The following FANCC variants were observed in gnomAD, a reference collection of about 807,000 sequenced individuals.
FANCC encodes the protein Fanconi anemia group C protein.
Under a neutral mutation model 71.3 loss-of-function variants are expected in FANCC, and 55 were observed. That is an observed-to-expected ratio of 0.77 (90% confidence interval 0.62 to 0.97). The LOEUF (loss-of-function observed/expected upper bound fraction) is 0.97. Among genes scored for constraint, FANCC ranks in the 50% least tolerant of loss-of-function variants. FANCC has a pLI of 0.00. For missense variants in FANCC, 678 were observed against 670.9 expected (o/e 1.01, Z -0.12); for synonymous variants, 275 against 244.9 (o/e 1.12, Z -1.15).
At chr9:95,134,699 C>T (rs1397900129) in intron 8 of FANCC, among the ~76,000 whole-genome samples, 1 of 152,230 alleles carries the variant, frequency 6.6e-6, no homozygotes, top group Non-Finnish European at 1.5e-5. Context: ...CTGCCTCCCA[C>T]AAAGGAATAT....
chr9:95,310,561 CAAGT>C (rs971549413), intron 1 of FANCC, among the ~76,000 whole-genome samples: 4 of 152,148 alleles, frequency 2.6e-5, no homozygotes, highest in Admixed American at 2.6e-4. Context: ...TCCAGCATCC[CAAGT>C]AAGAGACAGA....
chr9:95,189,635 G>T (rs1229080514), intron 4 of FANCC, among the ~76,000 whole-genome samples: 1 of 152,158 alleles, frequency 6.6e-6, no homozygotes, highest in Non-Finnish European at 1.5e-5. Context: ...AATGTATACA[G>T]AAATATGTAG....
At chr9:95,120,280 T>C (rs192766121) in intron 10 of FANCC, among the ~76,000 whole-genome samples, 161 of 152,330 alleles carry the variant, frequency 1.1e-3, no homozygotes, top group Middle Eastern at 3.4e-3. Context: ...CCTTTCCCCA[T>C]TGAATTGTCT....
rs1279952216 is a variant in FANCC, at chr9:95,099,056, A to G, written c.*2651T>C. On this transcript the variant is annotated 3_prime_UTR_variant, in exon 15 of 15. Coordinates refer to ENST00000289081, the MANE Select transcript of FANCC (RefSeq NM_000136.3). ...TGTAATATTTAATGGATACAACATT[A>G]GGTGCAAACTGAAGTTTTATTTAGA... 3.2e-5 allele frequency: 6 copies of G among 184,926 alleles called. No homozygotes were observed. The Admixed American group carries it at 3.7e-4, about 12-fold the overall frequency. The allele number at this position is 184,926 out of a possible 1,614,324, so 11.5% of individuals were successfully genotyped here. A position where few individuals can be genotyped will look rare whatever the true frequency, so the allele number is the denominator to read the frequency against.
At position 95,101,797 on chromosome 9, in the gene FANCC, G is replaced by C. The variant is rs1015147630; in HGVS notation, c.1587C>G (p.Thr529=). ...THEIIGFLDQ[T]LYRWNRLGIE... ...TGCCAAGACGATTCCATCTGTACAA[G>C]GTCTGGTCAAGAAAGCCAATGATCT... Residue 529 remains threonine, a synonymous_variant, in exon 15 of 15, where the codon ACC becomes ACG. Coordinates refer to ENST00000289081, the MANE Select transcript of FANCC (RefSeq NM_000136.3). 1.2e-6 allele frequency: 2 copies of C among 1,614,130 alleles called. No homozygotes were observed. Among genetic ancestry groups the C allele is most frequent in the Admixed American group, 3.3e-5 (2 of 60,022 alleles).
chr9:95,262,089 T>C (rs185623098), intron 1 of FANCC, among the ~76,000 whole-genome samples: 2 of 152,106 alleles, frequency 1.3e-5, no homozygotes, highest in African/African-American at 4.8e-5. Flanking sequence ...ATAGCCATGA[T>C]ACAAAGATAC....
rs1261532738 is a variant in FANCC, at chr9:95,289,659, TTGAC to T, written c.-79+27863_-79+27866del. Among the ~76,000 whole-genome samples the T allele has an allele frequency of 5.3e-5, 8 of 152,286 alleles. No individual in the cohort carries two copies. In the South Asian group the frequency reaches 1.2e-3, roughly 24 times the overall value. On this transcript the variant is annotated intron_variant, in intron 1 of 14. Coordinates refer to ENST00000289081, the MANE Select transcript of FANCC (RefSeq NM_000136.3). ...TTAACCATAACTGTATGATATTTTA[TTGAC>T]TGACTGAGACAGGGTCTTGCTCTGT...
At chr9:95,283,431 A>G (rs1833487529) in intron 1 of FANCC, among the ~76,000 whole-genome samples, 1 of 152,232 alleles carries the variant, frequency 6.6e-6, no homozygotes. Context: ...CAGCTCTTCA[A>G]GATGGCGCAC....
intron 6 of FANCC, among the ~76,000 whole-genome samples, chr9:95,154,931 T>G (rs1830372387): frequency 6.6e-6 from 1 of 151,796 alleles, no homozygotes; most frequent in South Asian, 2.1e-4. Context: ...TCATGCTAGG[T>G]GTGGTAGCTT....
chr9:95,185,061 T>C (rs1826628330), intron 4 of FANCC, among the ~76,000 whole-genome samples: 1 of 152,258 alleles, frequency 6.6e-6, no homozygotes, highest in African/African-American at 2.4e-5. Flanking sequence ...AAAGAATTTC[T>C]TTCCATATTA....
Position 95,223,553 on chromosome 9 carries a change from T to A in FANCC, c.345+17096A>T, listed in dbSNP as rs1364366527. ...GGTATTGGGGGTTAGTACTTCAACATATGAATTTGGGGGCACAAATTCAAC... is the reference window on the plus strand; with the variant it reads ...GGTATTGGGGGTTAGTACTTCAACAAATGAATTTGGGGGCACAAATTCAAC... On this transcript the variant is annotated intron_variant, in intron 4 of 14. Coordinates refer to ENST00000289081, the MANE Select transcript of FANCC (RefSeq NM_000136.3). Among the ~76,000 whole-genome samples, 5 of 152,322 alleles carry A rather than the reference T, an allele frequency of 3.3e-5. No individual in the cohort carries two copies. In the East Asian group the frequency reaches 9.6e-4, roughly 29 times the overall value.
chr9:95,289,477 T>C (rs1287246267), intron 1 of FANCC, among the ~76,000 whole-genome samples: 1 of 152,154 alleles, frequency 6.6e-6, no homozygotes, highest in African/African-American at 2.4e-5. Flanking sequence ...CACACTTGTA[T>C]TTCACGGGGG....
intron 1 of FANCC, among the ~76,000 whole-genome samples, chr9:95,282,208 A>C (rs144586319): frequency 2.0e-4 from 31 of 152,230 alleles, no homozygotes; most frequent in Non-Finnish European, 4.1e-4. Flanking sequence ...AAAGTAAATA[A>C]ATGGAAAAAG....
At chr9:95,142,795 G>A (rs933563096) in intron 7 of FANCC, among the ~76,000 whole-genome samples, 2 of 152,142 alleles carry the variant, frequency 1.3e-5, no homozygotes, top group Admixed American at 1.3e-4. Context: ...TCAGAGACTC[G>A]TATGTCAGTC....
At chr9:95,294,822 G>A in intron 1 of FANCC, 1 of 1,527,184 alleles carries the variant, frequency 6.5e-7, no homozygotes, top group Non-Finnish European at 8.8e-7. Flanking sequence ...ACTAACAGTG[G>A]AGTCCATGTG....
At chr9:95,212,570 A>G (rs1402643768) in intron 4 of FANCC, among the ~76,000 whole-genome samples, 6 of 152,194 alleles carry the variant, frequency 3.9e-5, no homozygotes, top group African/African-American at 1.4e-4. Context: ...ATTTGTCAGC[A>G]GCAGACATGC....
intron 7 of FANCC, among the ~76,000 whole-genome samples, chr9:95,141,453 T>A (rs574085104): frequency 1.3e-5 from 2 of 152,294 alleles, no homozygotes; most frequent in East Asian, 1.9e-4. Context: ...TATGCTGACT[T>A]TTCTTTGTTT....
intron 1 of FANCC, among the ~76,000 whole-genome samples, chr9:95,279,774 G>A (rs1833267419): frequency 6.6e-6 from 1 of 151,606 alleles, no homozygotes; most frequent in Non-Finnish European, 1.5e-5. Context: ...ATAATGAAAC[G>A]CTGTCTTTAC....
rs575046106 is a variant in FANCC, at chr9:95,206,158, A to G, written c.346-34011T>C. Among the ~76,000 whole-genome samples the G allele has an allele frequency of 3.3e-5, 5 of 152,322 alleles. No homozygotes were observed. The East Asian group carries it at 9.6e-4, about 29-fold the overall frequency. ...AAAGCAAACATTCTAAACAACGAAA[A>G]TTTAGAGGAGGAGGCGGGAGAAGGA... On this transcript the variant is annotated intron_variant, in intron 4 of 14. Transcript: ENST00000289081.
Sources: allele counts gnomAD v4.1 joint callset (sites outside exome capture counted in the v4.1 genomes callset), GRCh38; gene constraint gnomAD v4.1.1; transcripts MANE v1.5; gene names NCBI Gene and HGNC (gene_info 2026-07-23, HGNC 2026-07-21).